PIK3C2B: variants seen among roughly 807,000 people sequenced by gnomAD.
PIK3C2B encodes the protein phosphatidylinositol-4-phosphate 3-kinase catalytic subunit type 2 beta.
Under a neutral mutation model 184.3 loss-of-function variants are expected in PIK3C2B, and 83 were observed. That is an observed-to-expected ratio of 0.45 (90% confidence interval 0.38 to 0.54). PIK3C2B has a LOEUF of 0.54. PIK3C2B is among the 20% of genes least tolerant of loss of function. The pLI, the probability that PIK3C2B is intolerant of heterozygous loss-of-function variation, is 0.00. For synonymous variants in PIK3C2B, 779 were observed against 837.6 expected, an observed-to-expected ratio of 0.93 and a Z score of 1.21; for missense variants, 1,736 against 2,113.5, an observed-to-expected ratio of 0.82 and a Z score of 3.50.
At chr1:204,493,784 C>G (rs1415183938) in intron 1 of PIK3C2B, among the ~76,000 whole-genome samples, 1 of 152,144 alleles carries the variant, frequency 6.6e-6, no homozygotes, top group African/African-American at 2.4e-5. Context: ...GCGCCTTCTC[C>G]CAGCACCGGC....
At chr1:204,450,531 C>T (rs1473439544) in intron 12 of PIK3C2B, among the ~76,000 whole-genome samples, 1 of 152,102 alleles carries the variant, frequency 6.6e-6, no homozygotes, top group Non-Finnish European at 1.5e-5. Flanking sequence ...AGCCCTCTCA[C>T]TTGTCCTCAT....
At chr1:204,488,057 T>G (rs2103539931) in intron 1 of PIK3C2B, among the ~76,000 whole-genome samples, 1 of 152,354 alleles carries the variant, frequency 6.6e-6, no homozygotes, top group African/African-American at 2.4e-5. Flanking sequence ...AAATTTTGTC[T>G]GGTATTATTA....
intron 1 of PIK3C2B, among the ~76,000 whole-genome samples, chr1:204,479,888 A>G (rs115392491): frequency 0.017 from 2,568 of 152,318 alleles, 64 homozygotes; most frequent in African/African-American, 0.058. Flanking sequence ...AGCTGTTCCC[A>G]TCCAGCCAGG....
At position 204,464,548 on chromosome 1, in the gene PIK3C2B, G is replaced by A. The variant is rs767004192; in HGVS notation, c.1091C>T (p.Ala364Val). The A allele has an allele frequency of 1.9e-6, 3 of 1,613,926 alleles. No individual in the cohort carries two copies. Among genetic ancestry groups the A allele is most frequent in the East Asian group, 2.2e-5 (1 of 44,880 alleles). The change falls in exon 4 of 33, where the codon GCT (alanine) becomes GTT (valine). Residue 364 changes from alanine (A) to valine (V), a missense_variant. By Grantham distance (64) the Ala-to-Val change is moderately conservative. Around this residue, in one of 8 missense-constraint regions of PIK3C2B, gnomAD observed 609 missense variants for 699.2 expected, o/e 0.87. Transcript: ENST00000684373. Reference protein sequence around the residue: ...DYFLTGYVWSAVTPSPEHLGD... With the variant: ...DYFLTGYVWSVVTPSPEHLGD... ...GAGGTGCTCTGGGCTAGGGGTGACA[G>A]CACTCCAGACATAGCCAGTGAGGAA...
chr1:204,439,039 G>A lies in PIK3C2B; in HGVS notation c.3412C>T (p.Leu1138=). The part of the protein sequence containing the change: ...MVEMIPNAET[L]RKIQVEHGVT... ...CCATGCTCCACCTGGATCTTACGCA[G>A]GGTCTCAGCATTAGGGATCATCTCC... Residue 1138 remains leucine (L), a synonymous_variant, in exon 23 of 33, where the codon CTG becomes TTG. Coordinates refer to ENST00000684373, the MANE Select transcript of PIK3C2B (RefSeq NM_001377334.1). 1 of 1,613,960 alleles carries A rather than the reference G, an allele frequency of 6.2e-7. No homozygotes were observed. The highest frequency in any genetic ancestry group is 8.5e-7 in the Non-Finnish European group (1 of 1,179,986).
intron 2 of PIK3C2B, chr1:204,466,934 C>A (rs760421057): frequency 1.9e-6 from 1 of 532,748 alleles, no homozygotes. Flanking sequence ...GCTGGAAGCC[C>A]GACGAAAGCG....
chr1:204,490,743 G>C (rs1657951905), intron 1 of PIK3C2B, among the ~76,000 whole-genome samples: 1 of 151,028 alleles, frequency 6.6e-6, no homozygotes, highest in Admixed American at 6.6e-5. Flanking sequence ...AGGCAACATA[G>C]TGAAATCCTG....
intron 23 of PIK3C2B, among the ~76,000 whole-genome samples, chr1:204,437,817 G>T (rs966599052): frequency 3.2e-4 from 48 of 152,352 alleles, no homozygotes; most frequent in African/African-American, 1.1e-3. Flanking sequence ...AGCAGGCTCA[G>T]TTTTGCCTAC....
intron 32 of PIK3C2B, 44 bp from the exon 33 acceptor site, chr1:204,425,084 CAAG>C (rs772238840): frequency 6.5e-7 from 1 of 1,537,302 alleles, no homozygotes; most frequent in Non-Finnish European, 8.9e-7. Flanking sequence ...AGAGAAGGAA[CAAG>C]AAGAATCCAG....
intron 20 of PIK3C2B, 21 bp from the exon 21 acceptor site, chr1:204,441,584 T>C (rs1675664324): frequency 1.9e-6 from 3 of 1,573,514 alleles, no homozygotes; most frequent in Non-Finnish European, 2.6e-6. Flanking sequence ...GAAAAGATAG[T>C]GACGAGGGTC....
At chr1:204,457,399 G>T (rs1053131048) in intron 9 of PIK3C2B, among the ~76,000 whole-genome samples, 2 of 152,212 alleles carry the variant, frequency 1.3e-5, no homozygotes, top group African/African-American at 4.8e-5. Flanking sequence ...CCTGGCTCTA[G>T]AGAGATTTTC....
In PIK3C2B at chr1:204,433,588, G is replaced by C. The variant is rs1408622775; in HGVS notation, c.3844-163C>G. Among the ~76,000 whole-genome samples, 1 of 152,192 alleles carries C rather than the reference G, an allele frequency of 6.6e-6. No homozygotes were observed. The highest frequency in any genetic ancestry group is 1.9e-4 in the East Asian group (1 of 5,192). ...TGGCTGGAGGGCCACAGGAACTGAA[G>C]GGCTGGAGCAGGGAGTCAGGCACCT... On this transcript the variant is annotated intron_variant, in intron 25 of 32. Coordinates refer to ENST00000684373, the MANE Select transcript of PIK3C2B (RefSeq NM_001377334.1). The surrounding 1 kb of genome is among the most constrained non-coding windows in gnomAD (Gnocchi z 5.0).
rs1485736617 is a variant in PIK3C2B at position 204,447,002 on chromosome 1, C to A, written c.2489+434G>T. Reference sequence around the variant, plus strand: ...GGACTCACGTACCCCTGAGAGCTGCCAGCTTGCCTTGACACCTGATCCTTT... The same window carrying A: ...GGACTCACGTACCCCTGAGAGCTGCAAGCTTGCCTTGACACCTGATCCTTT... On this transcript the variant is annotated intron_variant, in intron 15 of 32. Coordinates refer to ENST00000684373, the MANE Select transcript of PIK3C2B (RefSeq NM_001377334.1). This position sits in a 1 kb window ranked among gnomAD's most constrained non-coding sequence, Gnocchi z 4.1. 3.9e-5 allele frequency among the ~76,000 whole-genome samples: 6 copies of A among 151,964 alleles called. No homozygotes were observed. The highest frequency in any genetic ancestry group is 8.8e-5 in the Non-Finnish European group (6 of 68,002).
rs1212078714 is a variant in PIK3C2B, at chr1:204,443,334, CTTG to C, written c.3048+80_3048+82del. 4.4e-6 allele frequency: 6 copies of C among 1,375,748 alleles called. No individual in the cohort carries two copies. The Admixed American group carries it at 6.1e-5, about 14-fold the overall frequency. 85.2% of individuals were successfully genotyped at this position (1,375,748 alleles called of 1,614,324 possible). ...AAAATCAAAAATCGTCACGTGGAAT[CTTG>C]TTGTTCAGGATTCCTAAGAAGAAAC... On this transcript the variant is annotated intron_variant, in intron 19 of 32. Coordinates refer to ENST00000684373, the MANE Select transcript of PIK3C2B (RefSeq NM_001377334.1).
Position 204,440,212 on chromosome 1 carries a change from A to C in PIK3C2B, c.3359T>G (p.Phe1120Cys). ...CTGACCTCTGCCCCGGCCGGTGGAG[A>C]AGCAGCGGAAGATGACCATGCGCAT... ...LDMRMVIFRC[F>C]STGRGRGMVE... is the part of the protein sequence containing the mutation. The change falls in exon 22 of 33, where the codon TTC becomes TGC. Residue 1120 changes from phenylalanine to cysteine, a missense_variant. Phe to Cys is a radical substitution (Grantham distance 205). Transcript: ENST00000684373. 1 of 1,612,458 alleles carries C rather than the reference A, an allele frequency of 6.2e-7. No homozygotes were observed. The highest frequency in any genetic ancestry group is 8.5e-7 in the Non-Finnish European group (1 of 1,179,134).
rs181655506 is a variant in PIK3C2B, at chr1:204,476,755, C to T, written c.-84-6869G>A. Among the ~76,000 whole-genome samples, 13 of 152,292 alleles carry T rather than the reference C, an allele frequency of 8.5e-5. No homozygotes were observed. In the East Asian group the frequency reaches 2.1e-3, roughly 25 times the overall value. ...CTATGTCACACAACTCTAGGGGGCA[C>T]CCCACACATTGTATTCTATGTGAAT... is the stretch of plus-strand genomic sequence containing the variant. On this transcript the variant is annotated intron_variant, in intron 1 of 32. Coordinates refer to ENST00000684373, the MANE Select transcript of PIK3C2B (RefSeq NM_001377334.1).
At chr1:204,459,819 G>A in intron 8 of PIK3C2B, 59 bp downstream of exon 8, 1 of 1,391,208 alleles carries the variant, frequency 7.2e-7, no homozygotes, top group Non-Finnish European at 1.0e-6. Context: ...CAGGAGGACT[G>A]AGGAAGGGGA....
chr1:204,484,292 G>A (rs1325071270), intron 1 of PIK3C2B, among the ~76,000 whole-genome samples: 2 of 152,140 alleles, frequency 1.3e-5, no homozygotes, highest in African/African-American at 4.8e-5. Context: ...GAGGAAAGTA[G>A]AAAACAGGAA....
At chr1:204,429,892 C>T in intron 29 of PIK3C2B, 29 bp downstream of exon 29, 1 of 1,413,090 alleles carries the variant, frequency 7.1e-7, no homozygotes, top group Non-Finnish European at 1.0e-6. Flanking sequence ...CCAGCCTGGA[C>T]AGCCAGGAGG....
Sources: allele counts gnomAD v4.1 joint callset (sites outside exome capture counted in the v4.1 genomes callset), GRCh38; gene constraint gnomAD v4.1.1; regional missense constraint gnomAD v4.1.1; non-coding constraint Gnocchi (gnomAD v3.1); transcripts MANE v1.5; gene names NCBI Gene and HGNC (gene_info 2026-07-23, HGNC 2026-07-21).